CWC27: variants seen among roughly 807,000 people sequenced by gnomAD.
CWC27 encodes the protein spliceosome-associated protein CWC27 homolog.
In CWC27, 47 loss-of-function variants were observed where a neutral mutation model predicts 63.6. The observed-to-expected ratio is 0.74, with a 90% CI of 0.58 to 0.94. The LOEUF (loss-of-function observed/expected upper bound fraction) is 0.94. CWC27 is among the 40% of genes least tolerant of loss of function. CWC27 has a pLI of 0.00. For synonymous variants in CWC27, 175 were observed against 179.8 expected (o/e 0.97, Z 0.22); for missense variants, 495 against 554.3 (o/e 0.89, Z 1.07).
chr5:64,843,415 G>C (rs1316026510), intron 10 of CWC27, among the ~76,000 whole-genome samples: 1 of 152,164 alleles, frequency 6.6e-6, no homozygotes, highest in Admixed American at 6.5e-5. Flanking sequence ...TGGGAGTATT[G>C]ATATTAACAT....
At chr5:64,977,069 T>C (rs1228787140) in intron 12 of CWC27, 66 bp from the exon 13 acceptor site, 1 of 941,230 alleles carries the variant, frequency 1.1e-6, no homozygotes, top group East Asian at 2.8e-5. Context: ...CTACCAAACT[T>C]AAGCATCTCT....
chr5:64,953,241 T>C (rs1225407418), intron 11 of CWC27, among the ~76,000 whole-genome samples: 2 of 152,160 alleles, frequency 1.3e-5, no homozygotes, highest in African/African-American at 4.8e-5. Flanking sequence ...TTTTCTCTTA[T>C]TCACACTGTT....
At chr5:64,954,481 G>A (rs948712463) in intron 11 of CWC27, among the ~76,000 whole-genome samples, 18 of 151,746 alleles carry the variant, frequency 1.2e-4, no homozygotes, top group Non-Finnish European at 1.2e-4. Context: ...ATGGGATCTC[G>A]CTATGTTGCC....
intron 13 of CWC27, among the ~76,000 whole-genome samples, chr5:64,982,047 G>C (rs146518707): frequency 1.2e-3 from 190 of 152,300 alleles, no homozygotes; most frequent in African/African-American, 4.4e-3. Context: ...TTGGCTTAAA[G>C]AAGTTTTAAA....
At chr5:64,814,230 C>T (rs951438906) in intron 10 of CWC27, among the ~76,000 whole-genome samples, 17 of 152,040 alleles carry the variant, frequency 1.1e-4, no homozygotes, top group African/African-American at 3.9e-4. Context: ...CCTTTGGATA[C>T]CACTTCGGTT....
intron 11 of CWC27, among the ~76,000 whole-genome samples, chr5:64,888,303 T>C (rs937942466): frequency 6.8e-6 from 1 of 147,466 alleles, no homozygotes; most frequent in African/African-American, 2.5e-5. Flanking sequence ...GTTAATATAA[T>C]TATATATAAT....
At chr5:64,842,701 G>T (rs1199518627) in intron 10 of CWC27, among the ~76,000 whole-genome samples, 1 of 151,908 alleles carries the variant, frequency 6.6e-6, no homozygotes, top group Non-Finnish European at 1.5e-5. Context: ...CCAGGCTCAA[G>T]CAATTCCTCC....
At chr5:64,966,160 T>G (rs973334982) in intron 11 of CWC27, among the ~76,000 whole-genome samples, 2 of 152,118 alleles carry the variant, frequency 1.3e-5, no homozygotes, top group Admixed American at 1.3e-4. Context: ...ATAACCACTT[T>G]TAGAATGTGT....
chr5:64,853,172 T>G (rs1262310896), intron 10 of CWC27, among the ~76,000 whole-genome samples: 3 of 152,184 alleles, frequency 2.0e-5, no homozygotes, highest in Non-Finnish European at 4.4e-5. Flanking sequence ...TTCTAACAGG[T>G]AGACCAGGTC....
At chr5:64,830,026 CTT>C (rs112776096) in intron 10 of CWC27, among the ~76,000 whole-genome samples, 4 of 114,934 alleles carry the variant, frequency 3.5e-5, no homozygotes, top group African/African-American at 9.6e-5. Context: ...CTTTTCCATT[CTT>C]TTTTTTTTTA....
At chr5:64,867,306 G>C (rs916505749) in intron 10 of CWC27, among the ~76,000 whole-genome samples, 3 of 152,104 alleles carry the variant, frequency 2.0e-5, no homozygotes, top group African/African-American at 2.4e-5. Context: ...ACTGATGCTT[G>C]CTTTTGGTAT....
At chr5:64,854,915 T>C (rs978598123) in intron 10 of CWC27, among the ~76,000 whole-genome samples, 1 of 152,132 alleles carries the variant, frequency 6.6e-6, no homozygotes, top group Admixed American at 6.5e-5. Context: ...TAGTATACCC[T>C]GGAATTAAGG....
intron 12 of CWC27, among the ~76,000 whole-genome samples, chr5:64,973,784 A>G (rs1749170661): frequency 1.3e-5 from 2 of 152,212 alleles, no homozygotes. Context: ...TTAAAAACAA[A>G]CTGCCTTGCC....
intron 8 of CWC27, among the ~76,000 whole-genome samples, chr5:64,800,585 A>G (rs1335544677): frequency 2.0e-5 from 3 of 152,198 alleles, no homozygotes; most frequent in Non-Finnish European, 2.9e-5. Flanking sequence ...ACATGTTAGG[A>G]CTAGAAACTG....
chr5:64,784,184 T>G (rs912822130), intron 4 of CWC27, among the ~76,000 whole-genome samples: 1 of 152,220 alleles, frequency 6.6e-6, no homozygotes, highest in Non-Finnish European at 1.5e-5. Context: ...TTTGGATCTT[T>G]CAATTCAGTC....
rs114583407 is a variant in CWC27, at chr5:64,840,160, G to A, written c.938+35774G>A. On this transcript the variant is annotated intron_variant, in intron 10 of 13. Transcript: ENST00000381070. ...GTGGTGGGAAAAAGTGGCTTAGTGTGCCAAGTAGAGAAGTGAGCACTGCAG... is the reference window on the plus strand; with the variant it reads ...GTGGTGGGAAAAAGTGGCTTAGTGTACCAAGTAGAGAAGTGAGCACTGCAG... Among the ~76,000 whole-genome samples, 336 of 151,558 alleles carry A rather than the reference G, an allele frequency of 2.2e-3. 1 individual carries two copies. Among genetic ancestry groups the A allele is most frequent in the African/African-American group, 7.7e-3 (319 of 41,332 alleles).
intron 7 of CWC27, among the ~76,000 whole-genome samples, chr5:64,794,257 G>T (rs1744179698): frequency 6.6e-6 from 1 of 152,100 alleles, no homozygotes; most frequent in Non-Finnish European, 1.5e-5. Flanking sequence ...AAGAAGAAAT[G>T]TGATCTGGGA....
chr5:64,781,181 A>G (rs1303354412), intron 2 of CWC27, among the ~76,000 whole-genome samples: 2 of 152,126 alleles, frequency 1.3e-5, no homozygotes, highest in African/African-American at 4.8e-5. Flanking sequence ...TGAGTTCTAA[A>G]TTATATACTC....
intron 10 of CWC27, among the ~76,000 whole-genome samples, chr5:64,837,491 T>C (rs1408873176): frequency 1.3e-5 from 2 of 151,968 alleles, no homozygotes; most frequent in Non-Finnish European, 2.9e-5. Context: ...CATGAGAAGA[T>C]TCAAAACTCA....
Sources: allele counts gnomAD v4.1 joint callset (sites outside exome capture counted in the v4.1 genomes callset), GRCh38; gene constraint gnomAD v4.1.1; transcripts MANE v1.5; gene names NCBI Gene and HGNC (gene_info 2026-07-23, HGNC 2026-07-21).